The following FARS2 variants were observed in gnomAD, a reference collection of about 807,000 sequenced individuals.
FARS2 encodes phenylalanyl-tRNA synthetase 2, mitochondrial.
Under a neutral mutation model 46.4 loss-of-function variants are expected in FARS2, and 40 were observed. The ratio of observed to expected loss-of-function variants is 0.86; its 90% CI spans 0.67 to 1.12. The LOEUF (loss-of-function observed/expected upper bound fraction) is 1.12. Among genes scored for constraint, FARS2 ranks in the 50% most tolerant of loss-of-function variants. The pLI is 0.00. For synonymous variants in FARS2, 234 were observed against 214.9 expected, an observed-to-expected ratio of 1.09 and a Z score of -0.78; for missense variants, 513 against 567.9, an observed-to-expected ratio of 0.90 and a Z score of 0.98.
intron 5 of FARS2, among the ~76,000 whole-genome samples, chr6:5,549,159 C>T (rs1771220351): frequency 6.6e-6 from 1 of 150,992 alleles, no homozygotes; most frequent in East Asian, 1.9e-4. Context: ...TGGGGGAATC[C>T]ACCTTCTTGA....
At chr6:5,586,018 C>T (rs1438668668) in intron 5 of FARS2, among the ~76,000 whole-genome samples, 1 of 151,728 alleles carries the variant, frequency 6.6e-6, no homozygotes, top group African/African-American at 2.4e-5. Context: ...GATTTTTTTT[C>T]AGGTAGTTTA....
chr6:5,257,943 G>C (rs2127784569), upstream of FARS2, among the ~76,000 whole-genome samples: 1 of 152,308 alleles, frequency 6.6e-6, no homozygotes, highest in Non-Finnish European at 1.5e-5. Context: ...GCTGGTGGGA[G>C]GGATGGGAGT....
chr6:5,424,036 A>C (rs1762710506), intron 3 of FARS2, among the ~76,000 whole-genome samples: 1 of 152,298 alleles, frequency 6.6e-6, no homozygotes, highest in South Asian at 2.1e-4. Flanking sequence ...GAGAGACGAG[A>C]TGTAAACAGC....
rs1562007537 is a variant in FARS2, at chr6:5,392,925, C to CATATATGTGTGTATATATTATATATATGT, written c.613-11605_613-11604insATATATTATATATATGTATATATGTGTGT. On this transcript the variant is annotated intron_variant, in intron 2 of 6. Transcript: ENST00000274680. ...TATATATTATATATATGTATATATA[C>CATATATGTGTGTATATATTATATATATGT]ATATATGTGTGTGTGTATATATATA... is the stretch of plus-strand genomic sequence containing the variant. Among the ~76,000 whole-genome samples the CATATATGTGTGTATATATTATATATATGT allele has an allele frequency of 2.7e-4, 25 of 91,612 alleles. No individual in the cohort carries two copies. The East Asian group carries it at 6.3e-3, about 23-fold the overall frequency. 60.1% of individuals were successfully genotyped at this position (91,612 alleles called of 152,430 possible).
At chr6:5,623,196 G>C (rs967275467) in intron 6 of FARS2, among the ~76,000 whole-genome samples, 1 of 152,154 alleles carries the variant, frequency 6.6e-6, no homozygotes, top group Non-Finnish European at 1.5e-5. Context: ...TCCAAAAAAC[G>C]AGTTAGCTAT....
chr6:5,551,634 C>T (rs1771379633), intron 5 of FARS2, among the ~76,000 whole-genome samples: 1 of 152,214 alleles, frequency 6.6e-6, no homozygotes, highest in African/African-American at 2.4e-5. Context: ...CTTAAAACAA[C>T]ATGAGCTTAT....
Position 5,310,330 on chromosome 6 carries a change from T to C in FARS2, c.-22+48670T>C, listed in dbSNP as rs73718063. 7.7e-3 allele frequency among the ~76,000 whole-genome samples: 1,171 copies of C among 152,114 alleles called. 21 individuals carry two copies. The highest frequency in any genetic ancestry group is 0.027 in the African/African-American group (1,117 of 41,518). ...TAATAATTTTGGAGTGGTGAAGGCCTTTCTAAGCAAGGCAAAAACCTCAAA... is the reference window on the plus strand; with the variant it reads ...TAATAATTTTGGAGTGGTGAAGGCCCTTCTAAGCAAGGCAAAAACCTCAAA... On this transcript the variant is annotated intron_variant, in intron 1 of 6. Transcript: ENST00000274680.
intron 1 of FARS2, among the ~76,000 whole-genome samples, chr6:5,297,672 C>A (rs1390683495): frequency 5.9e-5 from 9 of 151,650 alleles, no homozygotes; most frequent in Admixed American, 1.3e-4. Flanking sequence ...TAAAAAAAAA[C>A]CCAAAAGAAC....
chr6:5,253,685 C>T, the FARS2 span, among the ~76,000 whole-genome samples: 3 of 151,954 alleles, frequency 2.0e-5, no homozygotes, highest in African/African-American at 4.8e-5. Flanking sequence ...AAGTTGTCAC[C>T]GACCAATTGA....
chr6:5,729,167 C>T (rs1029142353), intron 6 of FARS2, among the ~76,000 whole-genome samples: 2 of 152,206 alleles, frequency 1.3e-5, no homozygotes, highest in African/African-American at 4.8e-5. Flanking sequence ...ATCAATCTTC[C>T]TGCTGCAGGA....
intron 2 of FARS2, among the ~76,000 whole-genome samples, chr6:5,396,717 G>A (rs148356365): frequency 3.3e-4 from 51 of 152,340 alleles, no homozygotes; most frequent in East Asian, 1.2e-3. Flanking sequence ...CTGACATGAA[G>A]CGTGTGGAGG....
intron 6 of FARS2, among the ~76,000 whole-genome samples, chr6:5,644,370 G>A (rs1019518984): frequency 7.9e-5 from 12 of 151,938 alleles, no homozygotes; most frequent in African/African-American, 1.2e-4. Flanking sequence ...GCACCACCAC[G>A]CCTGGCTATT....
chr6:5,394,298 C>T (rs1028071563), intron 2 of FARS2, among the ~76,000 whole-genome samples: 14 of 152,144 alleles, frequency 9.2e-5, no homozygotes, highest in Non-Finnish European at 1.9e-4. Context: ...GATTATAATG[C>T]AGCTGAAAAA....
At chr6:5,753,852 G>T (rs1166280426) in intron 6 of FARS2, among the ~76,000 whole-genome samples, 2 of 152,200 alleles carry the variant, frequency 1.3e-5, no homozygotes, top group East Asian at 3.8e-4. Context: ...TGGTGGTGCT[G>T]AGAGAGGACC....
chr6:5,703,641 G>T (rs1758570975), intron 6 of FARS2, among the ~76,000 whole-genome samples: 1 of 151,966 alleles, frequency 6.6e-6, no homozygotes, highest in Non-Finnish European at 1.5e-5. Context: ...TTTGGGGAAG[G>T]CCTTGGGAAC....
At chr6:5,641,909 A>G (rs1467516001) in intron 6 of FARS2, among the ~76,000 whole-genome samples, 2 of 152,124 alleles carry the variant, frequency 1.3e-5, no homozygotes, top group African/African-American at 4.8e-5. Context: ...CCGTACCTAC[A>G]TGTAGGTCCA....
At chr6:5,362,706 C>G (rs1313132173) in intron 1 of FARS2, among the ~76,000 whole-genome samples, 1 of 152,134 alleles carries the variant, frequency 6.6e-6, no homozygotes, top group African/African-American at 2.4e-5. Context: ...CAACAGTGTA[C>G]AGTGGTTCCT....
intron 6 of FARS2, among the ~76,000 whole-genome samples, chr6:5,754,769 A>G (rs1370705697): frequency 1.3e-5 from 2 of 152,144 alleles, no homozygotes; most frequent in African/African-American, 4.8e-5. Flanking sequence ...TGAGAAAGCT[A>G]TTTCTTTGTT....
intron 3 of FARS2, among the ~76,000 whole-genome samples, chr6:5,412,457 G>T (rs977404378): frequency 6.6e-6 from 1 of 152,150 alleles, no homozygotes; most frequent in Non-Finnish European, 1.5e-5. Flanking sequence ...TTCAGATAAC[G>T]TGCTTGCCAG....
Sources: allele counts gnomAD v4.1 joint callset (sites outside exome capture counted in the v4.1 genomes callset), GRCh38; gene constraint gnomAD v4.1.1; transcripts MANE v1.5; gene names NCBI Gene and HGNC (gene_info 2026-07-23, HGNC 2026-07-21).